The following DUSP29 variants were observed in gnomAD, a reference collection of about 807,000 sequenced individuals.
The protein encoded by DUSP29 is atypical dual-specific protein phosphatase.
DUSP29 carries 12 observed loss-of-function variants against 13.5 expected under a neutral mutation model. The observed-to-expected ratio is 0.89, with a 90% CI of 0.57 to 1.44. The LOEUF (loss-of-function observed/expected upper bound fraction) is 1.44. Ranked by LOEUF, DUSP29 falls within the 40% of genes most tolerant of loss-of-function variation. DUSP29 has a pLI of 0.00. For synonymous variants in DUSP29, 134 were observed against 128.7 expected (o/e 1.04, Z -0.28); for missense variants, 308 against 301.1 (o/e 1.02, Z -0.17).
At chr10:75,063,465 T>C (rs1441579691) in intron 1 of DUSP29, among the ~76,000 whole-genome samples, 1 of 152,086 alleles carries the variant, frequency 6.6e-6, no homozygotes, top group East Asian at 1.9e-4. Context: ...GCCTGCAGTA[T>C]GTGGAGTTAA....
intron 2 of DUSP29, 31 bp from the exon 3 acceptor site, chr10:75,044,048 CGCG>C (rs1564639677): frequency 6.3e-7 from 1 of 1,586,798 alleles, no homozygotes; most frequent in Non-Finnish European, 8.6e-7. Flanking sequence ...TCTGTGGGCG[CGCG>C]GCGCCCTGCC....
intron 1 of DUSP29, among the ~76,000 whole-genome samples, chr10:75,062,506 G>T (rs1165851508): frequency 6.6e-6 from 1 of 152,214 alleles, no homozygotes. Flanking sequence ...GACAAAGGAG[G>T]AAGTGGTGCG....
intron 1 of DUSP29, among the ~76,000 whole-genome samples, chr10:75,060,939 A>C (rs1423946089): frequency 6.6e-6 from 1 of 152,232 alleles, no homozygotes; most frequent in African/African-American, 2.4e-5. Context: ...GAAAATATAA[A>C]TAATATAATG....
At chr10:75,056,151 T>C (rs1846953846) in intron 2 of DUSP29, among the ~76,000 whole-genome samples, 1 of 152,100 alleles carries the variant, frequency 6.6e-6, no homozygotes, top group African/African-American at 2.4e-5. Context: ...CCTCAAGCGA[T>C]CCTCCTGCCT....
chr10:75,073,276 A>G (rs992043180), intron 1 of DUSP29, among the ~76,000 whole-genome samples: 1 of 152,052 alleles, frequency 6.6e-6, no homozygotes, highest in Admixed American at 6.6e-5. Flanking sequence ...GTGGAATATG[A>G]TACAATACAT....
intron 1 of DUSP29, among the ~76,000 whole-genome samples, chr10:75,069,279 G>A (rs1048608111): frequency 6.6e-6 from 1 of 152,204 alleles, no homozygotes; most frequent in Middle Eastern, 3.2e-3. Flanking sequence ...GAGCCGGCCG[G>A]GATGGACTTT....
chr10:75,038,632 C>T (rs1846519234), intron 3 of DUSP29, among the ~76,000 whole-genome samples: 1 of 147,444 alleles, frequency 6.8e-6, no homozygotes, highest in Non-Finnish European at 1.5e-5. Context: ...CAGATGAAAG[C>T]TGTAGTTCAT....
intron 3 of DUSP29, among the ~76,000 whole-genome samples, chr10:75,042,186 T>C (rs1448814956): frequency 2.0e-5 from 3 of 152,258 alleles, no homozygotes; most frequent in South Asian, 2.1e-4. Flanking sequence ...TGAAGGTAAA[T>C]ATTTTTATCA....
chr10:75,043,653 G>A (rs74926727), intron 3 of DUSP29, 144 bp downstream of exon 3: 1 of 823,226 alleles, frequency 1.2e-6, no homozygotes, highest in Non-Finnish European at 1.9e-6. Context: ...GGCCTCAGAC[G>A]GGGAAACCTT....
intron 1 of DUSP29, among the ~76,000 whole-genome samples, chr10:75,059,646 G>A (rs1847045413): frequency 1.3e-5 from 2 of 152,100 alleles, no homozygotes; most frequent in Non-Finnish European, 2.9e-5. Flanking sequence ...GGGTCTTAGT[G>A]TCAGGGGGAG....
At chr10:75,053,102 T>G (rs2395130) in intron 2 of DUSP29, among the ~76,000 whole-genome samples, 48,254 of 152,142 alleles carry the variant, frequency 0.32, 13,724 homozygotes, top group African/African-American at 0.75. Context: ...ATGGACTGCA[T>G]TGTGAGTGAG....
At chr10:75,070,113 GGA>G (rs1847298163) in intron 1 of DUSP29, among the ~76,000 whole-genome samples, 4 of 124,184 alleles carry the variant, frequency 3.2e-5, no homozygotes, top group Non-Finnish European at 4.7e-5. Flanking sequence ...AAGGAAGGAA[GGA>G]AGGAAGGAAG....
chr10:75,044,014 C>T lies in DUSP29; in HGVS notation c.204G>A (p.Ala68=). 6.2e-7 allele frequency: 1 copy of T among 1,608,184 alleles called. No individual in the cohort carries two copies. The highest frequency in any genetic ancestry group is 8.5e-7 in the Non-Finnish European group (1 of 1,178,076). ...GCAGCCTATAGCGGTCCAGCGCCGTCGCCCTGGGCGCAGGGGAGAGAAATC... is the reference window on the plus strand; with the variant it reads ...GCAGCCTATAGCGGTCCAGCGCCGTTGCCCTGGGCGCAGGGGAGAGAAATC... ...VWPKLYIGDE[A]TALDRYRLQK... Residue 68 remains alanine (A), a synonymous_variant, in exon 3 of 4, where the codon GCG becomes GCA. Transcript: ENST00000338487.
At chr10:75,071,117 G>A (rs1409570332) in intron 1 of DUSP29, among the ~76,000 whole-genome samples, 1 of 152,246 alleles carries the variant, frequency 6.6e-6, no homozygotes, top group East Asian at 1.9e-4. Context: ...GAAACTCTGA[G>A]GCACGCTGGG....
chr10:75,043,832 G>A lies in DUSP29; in HGVS notation c.386C>T (p.Ala129Val). ...FDLSVFFYPA[A>V]AFIDRALSDD... Reference sequence around the variant, plus strand: ...GCTTAGCGCTCTGTCGATGAAGGCTGCCGCCGGGTAGAAGAAGACACTGAG... The same window carrying A: ...GCTTAGCGCTCTGTCGATGAAGGCTACCGCCGGGTAGAAGAAGACACTGAG... Residue 129 changes from alanine to valine, a missense_variant, in exon 3 of 4, where the codon GCA becomes GTA. Physicochemically the swap from Ala to Val is moderately conservative, Grantham distance 64. Coordinates refer to ENST00000338487, the MANE Select transcript of DUSP29 (RefSeq NM_001003892.3). The A allele has an allele frequency of 6.2e-7, 1 of 1,613,824 alleles. No individual in the cohort carries two copies. Among genetic ancestry groups the A allele is most frequent in the Non-Finnish European group, 8.5e-7 (1 of 1,179,910 alleles).
rs1445407100 is a variant in DUSP29, at chr10:75,043,848, A to C, written c.370T>G (p.Phe124Val). 1.2e-6 allele frequency: 2 copies of C among 1,613,806 alleles called. No homozygotes were observed. The highest frequency in any genetic ancestry group is 1.7e-6 in the Non-Finnish European group (2 of 1,179,926). Residue 124 changes from phenylalanine (F) to valine (V), a missense_variant, in exon 3 of 4, where the codon TTC becomes GTC. Phe to Val is a conservative substitution (Grantham distance 50, BLOSUM62 -1). Coordinates refer to ENST00000338487, the MANE Select transcript of DUSP29 (RefSeq NM_001003892.3). ...ATGAAGGCTGCCGCCGGGTAGAAGA[A>C]GACACTGAGGTCGAAGGTGGGCAGG... ...DDLPTFDLSVFFYPAAAFIDR... is the reference protein window; with the variant it reads ...DDLPTFDLSVVFYPAAAFIDR...
At chr10:75,045,239 G>T (rs996571746) in intron 2 of DUSP29, among the ~76,000 whole-genome samples, 2 of 152,146 alleles carry the variant, frequency 1.3e-5, no homozygotes, top group Non-Finnish European at 2.9e-5. Flanking sequence ...GTGTGATGGC[G>T]CATGCCTGCA....
At chr10:75,063,066 A>C (rs543301293) in intron 1 of DUSP29, among the ~76,000 whole-genome samples, 1 of 152,306 alleles carries the variant, frequency 6.6e-6, no homozygotes, top group South Asian at 2.1e-4. Context: ...TGGGTGTTAA[A>C]AAGTAAACAA....
At chr10:75,054,791 C>T (rs1223811760) in intron 2 of DUSP29, among the ~76,000 whole-genome samples, 1 of 152,212 alleles carries the variant, frequency 6.6e-6, no homozygotes, top group Non-Finnish European at 1.5e-5. Context: ...ATCTTATTAG[C>T]CTCTTACCAA....
Sources: gnomAD v4.1 joint callset for allele counts (sites outside exome capture counted in the v4.1 genomes callset) on GRCh38, gnomAD v4.1.1 for gene constraint, MANE v1.5 for transcripts, NCBI Gene and HGNC (gene_info 2026-07-23, HGNC 2026-07-21) for gene names.